GALNS: variants seen among roughly 807,000 people sequenced by gnomAD.
GALNS encodes N-acetylgalactosamine-6-sulfatase.
In GALNS, 65 loss-of-function variants were observed where a neutral mutation model predicts 65.9. The observed-to-expected ratio is 0.99, with a 90% CI of 0.81 to 1.21. GALNS has a LOEUF of 1.21. Ranked by LOEUF, GALNS falls within the 50% of genes most tolerant of loss-of-function variation. The pLI, the probability that GALNS is intolerant of heterozygous loss-of-function variation, is 0.00. For missense variants in GALNS, 776 were observed against 700.7 expected (o/e 1.11, Z -1.21); for synonymous variants, 346 against 288.9 (o/e 1.20, Z -2.00).
chr16:88,854,565 C>T (rs979769850), intron 1 of GALNS, among the ~76,000 whole-genome samples: 1 of 152,250 alleles, frequency 6.6e-6, no homozygotes, highest in Admixed American at 6.5e-5. Context: ...GACAGGTCAG[C>T]ATGTGCCCCT....
intron 1 of GALNS, chr16:88,843,433 GC>G: frequency 2.8e-6 from 1 of 354,214 alleles, no homozygotes; most frequent in Non-Finnish European, 5.5e-6. Flanking sequence ...CACCCTGAGC[GC>G]CCATCGGCAG....
Position 88,818,025 on chromosome 16 carries a change from C to G in GALNS, c.1464G>C (p.Val488=). 1 of 1,583,246 alleles carries G rather than the reference C, an allele frequency of 6.3e-7. No homozygotes were observed. Among genetic ancestry groups the G allele is most frequent in the Non-Finnish European group, 8.5e-7 (1 of 1,169,956 alleles). The part of the protein sequence containing the change: ...ALVPAQPQLN[V]CNWAVMNWAP... ...CACTTACCATGACCGCCCAGTTGCA[C>G]ACGTTGAGCTGGGGCTGCGCGGGGA... The change falls in exon 13 of 14, where the codon GTG becomes GTC. Residue 488 remains valine (V), a synonymous_variant. Coordinates refer to ENST00000268695, the MANE Select transcript of GALNS (RefSeq NM_000512.5).
intron 9 of GALNS, among the ~76,000 whole-genome samples, chr16:88,830,518 G>T (rs571464115): frequency 6.6e-6 from 1 of 152,342 alleles, no homozygotes; most frequent in Non-Finnish European, 1.5e-5. Context: ...ACTTGAAGGG[G>T]ATGGCTGCCT....
chr16:88,824,705 G>C, intron 11 of GALNS, 62 bp downstream of exon 11: 2 of 1,419,582 alleles, frequency 1.4e-6, no homozygotes, highest in Non-Finnish European at 2.0e-6. Context: ...ACGGTGCTCA[G>C]GGGCCACGTC....
intron 12 of GALNS, among the ~76,000 whole-genome samples, chr16:88,818,826 A>G (rs1034435296): frequency 2.0e-5 from 3 of 152,224 alleles, no homozygotes; most frequent in Non-Finnish European, 4.4e-5. Flanking sequence ...TCGCTGCCAT[A>G]GCGGAGATGC....
intron 1 of GALNS, chr16:88,845,451 TA>T: frequency 6.7e-6 from 1 of 149,154 alleles, no homozygotes; most frequent in Non-Finnish European, 1.5e-5. Context: ...TACCCTATCT[TA>T]AAAGGCAATC....
At position 88,832,434 on chromosome 16, in the gene GALNS, G is replaced by A. The variant is rs78080199; in HGVS notation, c.899-333C>T. Among the ~76,000 whole-genome samples, 803 of 152,302 alleles carry A rather than the reference G, an allele frequency of 5.3e-3. 10 individuals are homozygous for A. Among genetic ancestry groups the A allele is most frequent in the African/African-American group, 0.018 (756 of 41,564 alleles). ...AGCTGCCGACTGGTGCTTCCCGAACGTGAATGTTCACAAGCCTCCCGGTGT... is the reference window on the plus strand; with the variant it reads ...AGCTGCCGACTGGTGCTTCCCGAACATGAATGTTCACAAGCCTCCCGGTGT... On this transcript the variant is annotated intron_variant, in intron 8 of 13. Coordinates refer to ENST00000268695, the MANE Select transcript of GALNS (RefSeq NM_000512.5).
intron 5 of GALNS, 82 bp from the exon 6 acceptor site, chr16:88,836,349 T>C (rs914365704): frequency 2.6e-6 from 3 of 1,140,180 alleles, no homozygotes; most frequent in East Asian, 4.9e-5. Context: ...AGCAAAGCCA[T>C]GGGCTTCATT....
chr16:88,855,400 G>A (rs1184372536), intron 1 of GALNS: 4 of 702,750 alleles, frequency 5.7e-6, no homozygotes, highest in East Asian at 2.7e-5. Flanking sequence ...AAAGTGAAAG[G>A]ATGAAATTCT....
intron 13 of GALNS, chr16:88,815,062 G>A: frequency 1.1e-6 from 1 of 879,890 alleles, no homozygotes; most frequent in Non-Finnish European, 1.3e-6. Context: ...CCCCTGCCCA[G>A]GTCAACCCCG....
chr16:88,827,189 G>C (rs1417486153), intron 9 of GALNS: 2 of 363,228 alleles, frequency 5.5e-6, no homozygotes, highest in Middle Eastern at 8.4e-4. Context: ...ATGCCCTAAG[G>C]CCACTGTGAG....
chr16:88,816,288 G>A, intron 13 of GALNS: 1 of 985,426 alleles, frequency 1.0e-6, no homozygotes, highest in Non-Finnish European at 1.2e-6. Flanking sequence ...CTGCAGCCTG[G>A]GTCGTAGAGA....
chr16:88,816,770 G>A, intron 13 of GALNS: 1 of 985,438 alleles, frequency 1.0e-6, no homozygotes, highest in Non-Finnish European at 1.2e-6. Context: ...CTGCAGCCGG[G>A]TCTGGCCCTG....
intron 4 of GALNS, chr16:88,840,444 T>A: frequency 1.7e-5 from 3 of 173,088 alleles, no homozygotes; most frequent in Non-Finnish European, 2.5e-5. Context: ...TCCCAGGGAG[T>A]AAAAGAAATG....
intron 1 of GALNS, 129 bp from the exon 2 acceptor site, chr16:88,842,958 C>T (rs992177682): frequency 1.6e-5 from 24 of 1,528,110 alleles, no homozygotes; most frequent in South Asian, 3.6e-5. Context: ...TCCCAGCCAG[C>T]GGCAGAGCTC....
rs147536058 is a variant in GALNS, at chr16:88,818,046, G to A, written c.1443C>T (p.Pro481=). 5,975 of 1,582,724 alleles carry A rather than the reference G, an allele frequency of 3.8e-3. 19 individuals are homozygous for A. The highest frequency in any genetic ancestry group is 4.5e-3 in the Non-Finnish European group (5,303 of 1,169,498). ...VVQQHQEALV[P]AQPQLNVCNW... Reference sequence around the variant, plus strand: ...TGCACACGTTGAGCTGGGGCTGCGCGGGGACCAAGGCCTCCTGGTGCTGCT... The same window carrying A: ...TGCACACGTTGAGCTGGGGCTGCGCAGGGACCAAGGCCTCCTGGTGCTGCT... Residue 481 remains proline (P), a synonymous_variant, in exon 13 of 14, where the codon CCC becomes CCT. Coordinates refer to ENST00000268695, the MANE Select transcript of GALNS (RefSeq NM_000512.5).
Position 88,814,073 on chromosome 16 carries a change from G to A in GALNS, c.*366C>T, listed in dbSNP as rs1909380484. ...GCAAACTGTATCCCCAGCCACCTCA[G>A]GCACCTGTTGTCAGGACCTCCTGAG... On this transcript the variant is annotated 3_prime_UTR_variant, in exon 14 of 14. Transcript: ENST00000268695. 2.6e-6 allele frequency: 1 copy of A among 385,266 alleles called. No homozygotes were observed. Among genetic ancestry groups the A allele is most frequent in the Non-Finnish European group, 5.0e-6 (1 of 201,778 alleles). The allele number at this position is 385,266 out of a possible 1,614,324, so 23.9% of individuals were successfully genotyped here. A position where few individuals can be genotyped will look rare whatever the true frequency, so the allele number is the denominator to read the frequency against.
intron 8 of GALNS, among the ~76,000 whole-genome samples, chr16:88,834,891 C>T (rs900280323): frequency 3.3e-5 from 5 of 152,182 alleles, no homozygotes; most frequent in Admixed American, 2.0e-4. Context: ...CCTGCTCCAC[C>T]GGCCCTGCTG....
chr16:88,843,512 G>T (rs1967088418), intron 1 of GALNS: 1 of 317,024 alleles, frequency 3.2e-6, no homozygotes, highest in Non-Finnish European at 6.3e-6. Context: ...CTCTGCAGAT[G>T]TAGTGAGCTA....
Sources: gnomAD v4.1 joint callset for allele counts (sites outside exome capture counted in the v4.1 genomes callset) on GRCh38, gnomAD v4.1.1 for gene constraint, MANE v1.5 for transcripts, NCBI Gene and HGNC (gene_info 2026-07-23, HGNC 2026-07-21) for gene names.